The following GRID2 variants were observed in gnomAD, a reference collection of about 807,000 sequenced individuals.
GRID2 encodes the protein glutamate ionotropic receptor delta type subunit 2.
Under a neutral mutation model 114.8 loss-of-function variants are expected in GRID2, and 33 were observed. The observed-to-expected ratio is 0.29, with a 90% CI of 0.22 to 0.38. The LOEUF is 0.38. GRID2 is among the 10% of genes least tolerant of loss of function. The pLI is 1.00. For missense variants in GRID2, 1,184 were observed against 1,257.7 expected (o/e 0.94, Z 0.89); for synonymous variants, 505 against 449.9 (o/e 1.12, Z -1.55).
intron 2 of GRID2, among the ~76,000 whole-genome samples, chr4:92,677,301 G>C (rs1477971686): frequency 3.3e-5 from 5 of 152,116 alleles, no homozygotes; most frequent in African/African-American, 1.2e-4. Flanking sequence ...ACATAAAAAA[G>C]AGATTAAAAA....
At chr4:92,787,894 C>T (rs564269800) in intron 2 of GRID2, among the ~76,000 whole-genome samples, 3 of 151,766 alleles carry the variant, frequency 2.0e-5, no homozygotes, top group African/African-American at 4.8e-5. Flanking sequence ...ATTGTCTGAC[C>T]GCTTGATATG....
chr4:93,804,430 C>A (rs374327603), intron 1 of GRID2, among the ~76,000 whole-genome samples: 10 of 152,204 alleles, frequency 6.6e-5, no homozygotes, highest in African/African-American at 2.4e-4. Context: ...CGGTACAGCA[C>A]GCCGCTGTAC....
chr4:93,142,976 G>A (rs1394098304), intron 4 of GRID2, among the ~76,000 whole-genome samples: 1 of 152,182 alleles, frequency 6.6e-6, no homozygotes, highest in Non-Finnish European at 1.5e-5. Context: ...AAGAGACAGG[G>A]TGGAGGACCC....
intron 2 of GRID2, among the ~76,000 whole-genome samples, chr4:92,644,804 C>G (rs1731530898): frequency 2.0e-5 from 3 of 151,236 alleles, no homozygotes; most frequent in African/African-American, 7.3e-5. Context: ...TATTAGAAGA[C>G]AAATAAATGT....
At chr4:93,809,101 G>A (rs1211742931) in exon 2 of GRID2, 1 of 152,092 alleles carries the variant, frequency 6.6e-6, no homozygotes, top group Non-Finnish European at 1.5e-5. Context: ...ATGTGTTTCT[G>A]GCTTTAAAAT....
chr4:93,515,096 G>A, intron 12 of GRID2, 120 bp from the exon 13 acceptor site: 1 of 446,570 alleles, frequency 2.2e-6, no homozygotes, highest in East Asian at 3.4e-5. Flanking sequence ...AATAAAATAA[G>A]AAAAGCAATT....
At chr4:93,102,812 T>A (rs376068934) in intron 3 of GRID2, among the ~76,000 whole-genome samples, 1 of 150,856 alleles carries the variant, frequency 6.6e-6, no homozygotes, top group Non-Finnish European at 1.5e-5. Context: ...TTAACAGGGT[T>A]ATACTGGTGG....
At chr4:92,387,492 G>A (rs1730020978) in intron 1 of GRID2, among the ~76,000 whole-genome samples, 1 of 151,938 alleles carries the variant, frequency 6.6e-6, no homozygotes, top group Admixed American at 6.6e-5. Context: ...AACAAAGAGG[G>A]ATATTTCTTG....
chr4:92,754,185 T>G (rs1357518673), intron 2 of GRID2, among the ~76,000 whole-genome samples: 1 of 152,218 alleles, frequency 6.6e-6, no homozygotes, highest in African/African-American at 2.4e-5. Flanking sequence ...TAATGTAAAC[T>G]ACAGTGCCCA....
intron 8 of GRID2, among the ~76,000 whole-genome samples, chr4:93,243,309 A>G (rs1463114116): frequency 6.6e-6 from 1 of 152,076 alleles, no homozygotes; most frequent in Admixed American, 6.6e-5. Flanking sequence ...GTTCCTTTGT[A>G]TAGGTATTAA....
intron 10 of GRID2, among the ~76,000 whole-genome samples, chr4:93,436,304 A>G (rs557351955): frequency 7.2e-5 from 11 of 152,126 alleles, no homozygotes; most frequent in Non-Finnish European, 1.0e-4. Context: ...CCTCTTATCT[A>G]TCCCAACATA....
chr4:93,647,300 T>C (rs148418196), intron 14 of GRID2, among the ~76,000 whole-genome samples: 291 of 152,274 alleles, frequency 1.9e-3, no homozygotes, highest in African/African-American at 6.4e-3. Context: ...AAATCTGAAA[T>C]CAAATGTTCC....
At chr4:92,527,947 C>T (rs996086929) in intron 1 of GRID2, among the ~76,000 whole-genome samples, 2 of 151,976 alleles carry the variant, frequency 1.3e-5, no homozygotes, top group African/African-American at 4.8e-5. Flanking sequence ...ATTCTTATTA[C>T]TTTGCTTTTA....
intron 15 of GRID2, among the ~76,000 whole-genome samples, chr4:93,771,000 A>ACTGTG (rs1423255198): frequency 6.6e-6 from 1 of 152,196 alleles, no homozygotes; most frequent in African/African-American, 2.4e-5. Flanking sequence ...ACTGAGGAAC[A>ACTGTG]CTATAATAGC....
chr4:93,099,328 A>G (rs1269336338), intron 3 of GRID2, among the ~76,000 whole-genome samples: 2 of 151,540 alleles, frequency 1.3e-5, no homozygotes. Context: ...TTTAGTTTAT[A>G]TTTATTTGTT....
At chr4:93,056,588 C>T (rs1351642209) in intron 2 of GRID2, among the ~76,000 whole-genome samples, 1 of 151,850 alleles carries the variant, frequency 6.6e-6, no homozygotes, top group Non-Finnish European at 1.5e-5. Flanking sequence ...GATTCTACCA[C>T]CCTCAATTTC....
chr4:93,280,613 C>T (rs1011681060), intron 8 of GRID2, among the ~76,000 whole-genome samples: 1 of 151,842 alleles, frequency 6.6e-6, no homozygotes, highest in African/African-American at 2.4e-5. Flanking sequence ...ATGTGGTTTA[C>T]ATCCCACTTA....
chr4:93,447,963 TA>T (rs1204329098), intron 10 of GRID2, among the ~76,000 whole-genome samples: 1 of 152,006 alleles, frequency 6.6e-6, no homozygotes, highest in Non-Finnish European at 1.5e-5. Context: ...TCCGTCAGCA[TA>T]TTAGAACATA....
intron 13 of GRID2, among the ~76,000 whole-genome samples, chr4:93,557,027 A>G (rs1384635286): frequency 6.6e-6 from 1 of 152,232 alleles, no homozygotes; most frequent in African/African-American, 2.4e-5. Context: ...AATTTTTTAC[A>G]GACAAGCAAA....
Sources: allele counts gnomAD v4.1 joint callset (sites outside exome capture counted in the v4.1 genomes callset), GRCh38; gene constraint gnomAD v4.1.1; transcripts MANE v1.5; gene names NCBI Gene and HGNC (gene_info 2026-07-23, HGNC 2026-07-21).